VAMP4: variants seen among roughly 807,000 people sequenced by gnomAD.
VAMP4 encodes the protein vesicle-associated membrane protein 4.
VAMP4 carries 19 observed loss-of-function variants against 23.5 expected under a neutral mutation model. That is an observed-to-expected ratio of 0.81 (90% CI 0.56 to 1.19). The LOEUF (loss-of-function observed/expected upper bound fraction) is 1.19, where lower values mean the gene tolerates loss of function less well. Ranked by LOEUF, VAMP4 falls within the 50% of genes most tolerant of loss-of-function variation. VAMP4 has a pLI of 0.00. For missense variants in VAMP4, 145 were observed against 168.6 expected (o/e 0.86, Z 0.78); for synonymous variants, 31 against 51.0 (o/e 0.61, Z 1.67).
chr1:171,728,379 C>A, intron 3 of VAMP4, 145 bp downstream of exon 3: 1 of 599,558 alleles, frequency 1.7e-6, no homozygotes, highest in East Asian at 2.9e-5. Context: ...TGTGTTTTCA[C>A]ATATCCACTG....
chr1:171,733,488 T>C (rs1466753250), intron 2 of VAMP4, among the ~76,000 whole-genome samples: 1 of 151,848 alleles, frequency 6.6e-6, no homozygotes, highest in Non-Finnish European at 1.5e-5. Flanking sequence ...GTAATAGTAA[T>C]AATTTATTTG....
chr1:171,739,616 G>A (rs566797483), intron 1 of VAMP4, among the ~76,000 whole-genome samples: 1 of 152,302 alleles, frequency 6.6e-6, no homozygotes, highest in South Asian at 2.1e-4. Flanking sequence ...AATCTTGTAG[G>A]ATTAAGCCCT....
chr1:171,708,492 G>C (rs2124838737), intron 6 of VAMP4, among the ~76,000 whole-genome samples: 1 of 151,890 alleles, frequency 6.6e-6, no homozygotes, highest in South Asian at 2.1e-4. Context: ...CGATTCAATA[G>C]GTAGACAAAT....
intron 2 of VAMP4, among the ~76,000 whole-genome samples, chr1:171,736,523 G>A (rs1655746273): frequency 6.6e-6 from 1 of 152,200 alleles, no homozygotes; most frequent in South Asian, 2.1e-4. Flanking sequence ...CTAGTAAGCA[G>A]TTGAAATTAT....
At chr1:171,727,768 A>C (rs1655421673) in intron 3 of VAMP4, among the ~76,000 whole-genome samples, 1 of 152,360 alleles carries the variant, frequency 6.6e-6, no homozygotes, top group Non-Finnish European at 1.5e-5. Context: ...GAAAATTAAA[A>C]AACCCAACTA....
intron 2 of VAMP4, among the ~76,000 whole-genome samples, chr1:171,737,361 T>C (rs1330219371): frequency 6.6e-6 from 1 of 152,230 alleles, no homozygotes; most frequent in Non-Finnish European, 1.5e-5. Flanking sequence ...GTACTTATTC[T>C]AAAAGTAATC....
rs1654530113 is a variant in VAMP4 at position 171,703,427 on chromosome 1, A to ATG, written c.*1078_*1079insCA. The ATG allele has an allele frequency of 1.7e-4, 3 of 17,830 alleles. No homozygotes were observed. Among genetic ancestry groups the ATG allele is most frequent in the East Asian group, 7.9e-4 (1 of 1,262 alleles). The allele number at this position is 17,830 out of a possible 1,614,324, so 1.1% of individuals were successfully genotyped here. A position where few individuals can be genotyped will look rare whatever the true frequency, so the allele number is the denominator to read the frequency against. On this transcript the variant is annotated 3_prime_UTR_variant, in exon 8 of 8. Transcript: ENST00000236192. ...TGTGTGTGTGTGTGTGTTTGTGTGT[A>ATG]TATATATATATATATATATATATAT...
At position 171,715,543 on chromosome 1, in the gene VAMP4, C is replaced by G. The variant is rs1655000450; in HGVS notation, c.164+3628G>C. On this transcript the variant is annotated intron_variant, in intron 4 of 7. Transcript: ENST00000236192. The stretch of plus-strand genomic sequence containing the variant: ...GAAGCCTGTTTTAGCCTAACATTTT[C>G]TCACCTTTAAAATGCAGCTGATAAT... Among the ~76,000 whole-genome samples the G allele has an allele frequency of 3.3e-5, 5 of 152,264 alleles. No homozygotes were observed. The South Asian group carries it at 1.0e-3, about 32-fold the overall frequency.
intron 2 of VAMP4, among the ~76,000 whole-genome samples, chr1:171,734,595 T>C (rs1655678891): frequency 6.6e-6 from 1 of 152,216 alleles, no homozygotes; most frequent in Non-Finnish European, 1.5e-5. Context: ...GGGTGAATTG[T>C]ATGGTACGTG....
chr1:171,707,663 G>A (rs1473566984), intron 6 of VAMP4, among the ~76,000 whole-genome samples: 3 of 152,014 alleles, frequency 2.0e-5, no homozygotes, highest in South Asian at 2.1e-4. Flanking sequence ...AAGAATACTC[G>A]CTACTGTAAA....
At position 171,709,736 on chromosome 1, in the gene VAMP4, A is replaced by T. The variant is rs745830452; in HGVS notation, c.274T>A (p.Ser92Thr). 6.2e-7 allele frequency: 1 copy of T among 1,612,702 alleles called. No homozygotes were observed. Among genetic ancestry groups the T allele is most frequent in the South Asian group, 1.1e-5 (1 of 91,058 alleles). The change falls in exon 6 of 8, where the codon TCG becomes ACG. Residue 92 changes from serine (S) to threonine (T), a missense_variant. By Grantham distance (58) the Ser-to-Thr change is moderately conservative. Coordinates refer to ENST00000236192, the MANE Select transcript of VAMP4 (RefSeq NM_003762.5). ...TTGCTAAAAGCTGTTGCATTATCCGATAAGCTTTCTATATCACATAGAGGA... is the reference window on the plus strand; with the variant it reads ...TTGCTAAAAGCTGTTGCATTATCCGTTAAGCTTTCTATATCACATAGAGGA... ...DELQDKSESLSDNATAFSNRS... is the reference protein window; with the variant it reads ...DELQDKSESLTDNATAFSNRS...
chr1:171,714,473 A>T (rs989787885), intron 4 of VAMP4, among the ~76,000 whole-genome samples: 1 of 152,218 alleles, frequency 6.6e-6, no homozygotes, highest in Non-Finnish European at 1.5e-5. Flanking sequence ...TTCATTCAAA[A>T]AACATTAAAA....
Position 171,703,417 on chromosome 1 carries a change from GTT to G in VAMP4, c.*1087_*1088del, listed in dbSNP as rs769153119. The G allele has an allele frequency of 0.06, 5,914 of 98,348 alleles. 263 individuals are homozygous for G. The highest frequency in any genetic ancestry group is 0.087 in the East Asian group (229 of 2,640). 6.1% of individuals were successfully genotyped at this position (98,348 alleles called of 1,614,324 possible). ...CGTGTGTGTGTGTGTGTGTGTGTGT[GTT>G]TGTGTGTATATATATATATATATAT... On this transcript the variant is annotated 3_prime_UTR_variant, in exon 8 of 8. Transcript: ENST00000236192.
chr1:171,732,360 GAAAAAAA>G (rs532876540), intron 2 of VAMP4, among the ~76,000 whole-genome samples: 3 of 123,548 alleles, frequency 2.4e-5, no homozygotes, highest in Non-Finnish European at 3.4e-5. Context: ...GTCTCTATGG[GAAAAAAA>G]AAAAAAAAAA....
intron 1 of VAMP4, among the ~76,000 whole-genome samples, chr1:171,739,278 A>G (rs1558117187): frequency 6.6e-6 from 1 of 152,198 alleles, no homozygotes; most frequent in African/African-American, 2.4e-5. Flanking sequence ...AATCATGCCT[A>G]CTAAGGAAGA....
At chr1:171,730,257 CT>C (rs1655520016) in intron 2 of VAMP4, among the ~76,000 whole-genome samples, 1 of 152,082 alleles carries the variant, frequency 6.6e-6, no homozygotes, top group Non-Finnish European at 1.5e-5. Flanking sequence ...TGTACTTTTC[CT>C]GAGGAAATTC....
At chr1:171,732,216 G>A (rs981169045) in intron 2 of VAMP4, among the ~76,000 whole-genome samples, 9 of 152,118 alleles carry the variant, frequency 5.9e-5, no homozygotes, top group African/African-American at 1.9e-4. Flanking sequence ...GATGGAAAAA[G>A]GAAGTTTTAA....
chr1:171,740,438 C>T (rs1655889650), intron 1 of VAMP4, among the ~76,000 whole-genome samples: 1 of 152,158 alleles, frequency 6.6e-6, no homozygotes, highest in Admixed American at 6.5e-5. Context: ...TGTTTTAAGT[C>T]AGCTGCTTGT....
At chr1:171,721,911 G>T (rs1471868267) in intron 3 of VAMP4, among the ~76,000 whole-genome samples, 1 of 152,048 alleles carries the variant, frequency 6.6e-6, no homozygotes, top group African/African-American at 2.4e-5. Flanking sequence ...CTACTTTAAA[G>T]TTCATATGGA....
Sources: allele counts gnomAD v4.1 joint callset (sites outside exome capture counted in the v4.1 genomes callset), GRCh38; gene constraint gnomAD v4.1.1; transcripts MANE v1.5; gene names NCBI Gene and HGNC (gene_info 2026-07-23, HGNC 2026-07-21).